PTPN4: variants seen among roughly 807,000 people sequenced by gnomAD.
PTPN4 encodes the protein protein tyrosine phosphatase non-receptor type 4.
In PTPN4, 49 loss-of-function variants were observed where a neutral mutation model predicts 135.5. The ratio of observed to expected loss-of-function variants is 0.36; its 90% CI spans 0.29 to 0.46. The LOEUF is 0.46. PTPN4 is among the 20% of genes least tolerant of loss of function. The pLI, the probability that PTPN4 is intolerant of heterozygous loss-of-function variation, is 1.00. For synonymous variants in PTPN4, 333 were observed against 369.9 expected, an observed-to-expected ratio of 0.90 and a Z score of 1.14; for missense variants, 860 against 1,101.0, an observed-to-expected ratio of 0.78 and a Z score of 3.10.
chr2:119,935,096 T>G, intron 15 of PTPN4, 138 bp downstream of exon 15: 1 of 1,010,390 alleles, frequency 9.9e-7, no homozygotes, highest in Non-Finnish European at 1.4e-6. Context: ...TTTGCAATTA[T>G]GCTCATTTGT....
chr2:119,879,106 A>AC (rs397702331), intron 5 of PTPN4, among the ~76,000 whole-genome samples: 2 of 151,614 alleles, frequency 1.3e-5, no homozygotes, highest in Non-Finnish European at 2.9e-5. Flanking sequence ...AAAAAAAAAA[A>AC]CAAAAATGAA....
intron 22 of PTPN4, among the ~76,000 whole-genome samples, chr2:119,959,651 G>T (rs1679336669): frequency 6.6e-6 from 1 of 152,168 alleles, no homozygotes; most frequent in Admixed American, 6.5e-5. Flanking sequence ...ATTTTGAAAG[G>T]GTATTTAGTA....
rs1442051102 is a variant in PTPN4 at position 119,956,910 on chromosome 2, A to C, written c.2047A>C (p.Asn683His). The stretch of plus-strand genomic sequence containing the variant: ...CAAATTACCTCAGAATATTTCCAAA[A>C]ATAGATACAGAGATATTTCGCCTTG... ...CAKLPQNISK[N>H]RYRDISPYDA... The change falls in exon 21 of 27, where the codon AAT becomes CAT. Residue 683 changes from asparagine to histidine, a missense_variant. Physicochemically the swap from Asn to His is moderately conservative, Grantham distance 68. This residue lies in a region of PTPN4 where 684 missense variants were observed against 807.0 expected (regional missense o/e 0.85). Transcript: ENST00000263708. 1 of 1,610,728 alleles carries C rather than the reference A, an allele frequency of 6.2e-7. No individual in the cohort carries two copies. Among genetic ancestry groups the C allele is most frequent in the Non-Finnish European group, 8.5e-7 (1 of 1,179,316 alleles).
rs753870120 is a variant in PTPN4, at chr2:119,934,973, A to G, written c.1355+15A>G. ...GAATCATCACCGTAAGAGCTTTTTTATTTTGCTTCCTCTGTATTTTCAAAT... is the reference window on the plus strand; with the variant it reads ...GAATCATCACCGTAAGAGCTTTTTTGTTTTGCTTCCTCTGTATTTTCAAAT... On this transcript the variant is annotated intron_variant, in intron 15 of 26. Coordinates refer to ENST00000263708, the MANE Select transcript of PTPN4 (RefSeq NM_002830.4). 17 of 1,593,164 alleles carry G rather than the reference A, an allele frequency of 1.1e-5. No homozygotes were observed. Among genetic ancestry groups the G allele is most frequent in the Non-Finnish European group, 1.5e-5 (17 of 1,168,940 alleles).
intron 12 of PTPN4, among the ~76,000 whole-genome samples, chr2:119,926,300 C>G (rs1678823985): frequency 6.6e-6 from 1 of 152,150 alleles, no homozygotes; most frequent in South Asian, 2.1e-4. Flanking sequence ...CTCCTAGTGC[C>G]AAAACCCCAC....
chr2:119,959,680 G>T (rs988453592), intron 22 of PTPN4, among the ~76,000 whole-genome samples: 7 of 152,218 alleles, frequency 4.6e-5, no homozygotes, highest in African/African-American at 1.7e-4. Flanking sequence ...ATAATAAGTA[G>T]CATCGCTGGC....
At chr2:119,763,723 TAATC>T (rs554812865) in intron 1 of PTPN4, among the ~76,000 whole-genome samples, 26 of 152,326 alleles carry the variant, frequency 1.7e-4, no homozygotes, top group Non-Finnish European at 2.5e-4. Flanking sequence ...TGGTAGCCAT[TAATC>T]ATGTGTGGCT....
At chr2:119,848,547 A>G (rs1677541354) in intron 2 of PTPN4, among the ~76,000 whole-genome samples, 1 of 151,852 alleles carries the variant, frequency 6.6e-6, no homozygotes, top group Admixed American at 6.6e-5. Context: ...TTATACATAC[A>G]TTGGTGGGCT....
At chr2:119,897,999 G>A (rs1212082978) in intron 9 of PTPN4, among the ~76,000 whole-genome samples, 1 of 152,202 alleles carries the variant, frequency 6.6e-6, no homozygotes, top group Non-Finnish European at 1.5e-5. Flanking sequence ...GAAATTAAGT[G>A]TAAGATTTAG....
chr2:119,826,275 C>T lies in PTPN4; in HGVS notation c.138+16284C>T, dbSNP rs74671422. On this transcript the variant is annotated intron_variant, in intron 2 of 26. Transcript: ENST00000263708. Reference sequence around the variant, plus strand: ...ACAGAATCAAAATCCATGTTAAAACCTAGCTGCACTATACTTATTTTTCTC... The same window carrying T: ...ACAGAATCAAAATCCATGTTAAAACTTAGCTGCACTATACTTATTTTTCTC... 7.3e-3 allele frequency among the ~76,000 whole-genome samples: 1,117 copies of T among 152,294 alleles called. 13 individuals carry two copies. Among genetic ancestry groups the T allele is most frequent in the African/African-American group, 0.025 (1,054 of 41,564 alleles).
intron 6 of PTPN4, 120 bp downstream of exon 6, chr2:119,881,950 G>A (rs1678086851): frequency 2.9e-6 from 3 of 1,041,758 alleles, no homozygotes; most frequent in Non-Finnish European, 4.4e-6. Context: ...TACATGTAGT[G>A]TGAATTCCTT....
chr2:119,860,047 A>G (rs2104986196), intron 2 of PTPN4, among the ~76,000 whole-genome samples: 1 of 152,348 alleles, frequency 6.6e-6, no homozygotes, highest in African/African-American at 2.4e-5. Context: ...AAGAAAATGC[A>G]AGGTCTAGAG....
chr2:119,874,224 A>C (rs1274820498), intron 3 of PTPN4, among the ~76,000 whole-genome samples: 1 of 152,220 alleles, frequency 6.6e-6, no homozygotes. Flanking sequence ...ATACATTGAT[A>C]TTGGAGATGT....
Position 119,955,915 on chromosome 2 carries a change from C to T in PTPN4, c.1980+592C>T, listed in dbSNP as rs189361528. Reference sequence around the variant, plus strand: ...TCGCGCCACTGCACTCCAGCCTGGGCGACAGAGTGAGACTCCATCTCAAAA... The same window carrying T: ...TCGCGCCACTGCACTCCAGCCTGGGTGACAGAGTGAGACTCCATCTCAAAA... On this transcript the variant is annotated intron_variant, in intron 20 of 26. Transcript: ENST00000263708. Among the ~76,000 whole-genome samples, 8 of 150,066 alleles carry T rather than the reference C, an allele frequency of 5.3e-5. No individual in the cohort carries two copies. The South Asian group carries it at 6.3e-4, about 12-fold the overall frequency.
chr2:119,828,461 G>A (rs1328825345), intron 2 of PTPN4, among the ~76,000 whole-genome samples: 2 of 152,156 alleles, frequency 1.3e-5, no homozygotes, highest in Non-Finnish European at 2.9e-5. Context: ...GTTTACTGTT[G>A]GTGGACCCTT....
At chr2:119,863,734 A>G (rs771207499) in intron 3 of PTPN4, among the ~76,000 whole-genome samples, 5 of 152,122 alleles carry the variant, frequency 3.3e-5, no homozygotes, top group Non-Finnish European at 7.4e-5. Context: ...ACAAAGAAAA[A>G]CAAACCAAGG....
At chr2:119,929,523 C>T (rs945345252) in intron 13 of PTPN4, among the ~76,000 whole-genome samples, 1 of 152,068 alleles carries the variant, frequency 6.6e-6, no homozygotes, top group African/African-American at 2.4e-5. Flanking sequence ...AAATTGCTTT[C>T]ACATTTTGCA....
chr2:119,825,236 A>G (rs1677129869), intron 2 of PTPN4, among the ~76,000 whole-genome samples: 1 of 152,128 alleles, frequency 6.6e-6, no homozygotes, highest in Non-Finnish European at 1.5e-5. Flanking sequence ...TTTTTTTTAT[A>G]TATCCAGATT....
intron 10 of PTPN4, among the ~76,000 whole-genome samples, chr2:119,903,556 GACACACACACACAC>G (rs35324437): frequency 1.4e-5 from 2 of 147,666 alleles, no homozygotes; most frequent in East Asian, 2.0e-4. Flanking sequence ...TGCAGCTGCT[GACACACACACACAC>G]ACACACACAC....
Sources: gnomAD v4.1 joint callset for allele counts (sites outside exome capture counted in the v4.1 genomes callset) on GRCh38, gnomAD v4.1.1 for gene constraint, gnomAD v4.1.1 regional missense constraint, MANE v1.5 for transcripts, NCBI Gene and HGNC (gene_info 2026-07-23, HGNC 2026-07-21) for gene names.